The following PPP1R9A variants were observed in gnomAD, a reference collection of about 807,000 sequenced individuals.
The protein encoded by PPP1R9A is neurabin-1.
Under a neutral mutation model 141.9 loss-of-function variants are expected in PPP1R9A, and 59 were observed. The observed-to-expected ratio is 0.42, with a 90% CI of 0.34 to 0.52. The LOEUF (loss-of-function observed/expected upper bound fraction) is 0.52, where lower values mean the gene tolerates loss of function less well. Ranked by LOEUF, PPP1R9A falls within the 20% of genes least tolerant of loss-of-function variation. The probability of loss-of-function intolerance (pLI) is 0.10; values close to 1 mark genes in which losing one functional copy is unlikely to be tolerated. For synonymous variants in PPP1R9A, 500 were observed against 569.7 expected, an observed-to-expected ratio of 0.88 and a Z score of 1.74; for missense variants, 1,444 against 1,611.9, an observed-to-expected ratio of 0.90 and a Z score of 1.78.
At chr7:95,214,895 C>T (rs1422162543) in intron 7 of PPP1R9A, among the ~76,000 whole-genome samples, 1 of 151,990 alleles carries the variant, frequency 6.6e-6, no homozygotes, top group African/African-American at 2.4e-5. Context: ...TATGAGTAAT[C>T]TAGAGAAGGA....
intron 4 of PPP1R9A, among the ~76,000 whole-genome samples, chr7:95,125,274 C>T (rs1358346196): frequency 3.3e-5 from 5 of 152,212 alleles, no homozygotes; most frequent in Non-Finnish European, 5.9e-5. Context: ...TGCCACAGTG[C>T]GGGGCTTTTA....
At chr7:94,927,694 A>G (rs527504052) in intron 2 of PPP1R9A, among the ~76,000 whole-genome samples, 5 of 152,314 alleles carry the variant, frequency 3.3e-5, no homozygotes, top group African/African-American at 1.2e-4. Context: ...CCTTGAGACT[A>G]TAGACTTTGA....
rs1801767454 is a variant in PPP1R9A, at chr7:95,269,192, C to T, written c.2824-15C>T. 6.6e-7 allele frequency: 1 copy of T among 1,508,210 alleles called. No individual in the cohort carries two copies. Among genetic ancestry groups the T allele is most frequent in the East Asian group, 2.3e-5 (1 of 44,328 alleles). The allele number at this position is 1,508,210 out of a possible 1,614,324, so 93.4% of individuals were successfully genotyped here. On this transcript the variant is annotated splice_polypyrimidine_tract_variant and intron_variant, in intron 13 of 19. Coordinates refer to ENST00000433360, the MANE Select transcript of PPP1R9A (RefSeq NM_001166160.2). ...TCAGTGGCATAACCTTCCTTATAAT[C>T]TCTTATACCAACAGCCATCAAACAG... is the stretch of plus-strand genomic sequence containing the variant.
At chr7:95,260,855 A>T (rs865870453) in intron 12 of PPP1R9A, among the ~76,000 whole-genome samples, 1 of 152,160 alleles carries the variant, frequency 6.6e-6, no homozygotes, top group Non-Finnish European at 1.5e-5. Flanking sequence ...AGTAAAGATC[A>T]TTTTAACCCA....
chr7:94,916,415 C>T (rs1374715892), intron 2 of PPP1R9A, among the ~76,000 whole-genome samples: 1 of 152,200 alleles, frequency 6.6e-6, no homozygotes, highest in African/African-American at 2.4e-5. Flanking sequence ...CTTCTGGCTT[C>T]TGAAAGTGGC....
chr7:95,285,883 A>T (rs1208561984), intron 17 of PPP1R9A, among the ~76,000 whole-genome samples: 4 of 152,184 alleles, frequency 2.6e-5, no homozygotes, highest in Admixed American at 2.6e-4. Context: ...ACTCATCACG[A>T]TTAGGGTCAA....
chr7:94,955,864 G>C (rs1797020291), intron 2 of PPP1R9A, among the ~76,000 whole-genome samples: 1 of 152,096 alleles, frequency 6.6e-6, no homozygotes, highest in African/African-American at 2.4e-5. Flanking sequence ...TAGGTCTTCT[G>C]TGCCCCTGTT....
intron 2 of PPP1R9A, among the ~76,000 whole-genome samples, chr7:94,913,898 A>G (rs1791749769): frequency 2.0e-5 from 3 of 152,198 alleles, no homozygotes. Flanking sequence ...TTTAAAATCC[A>G]TAAAAAACAG....
intron 16 of PPP1R9A, among the ~76,000 whole-genome samples, chr7:95,275,403 CAAAAAAAAAA>C (rs10708689): frequency 1.0e-5 from 1 of 96,924 alleles, no homozygotes; most frequent in South Asian, 3.6e-4. Context: ...GACTCCGTCT[CAAAAAAAAAA>C]AAAAAAAAAG....
intron 2 of PPP1R9A, among the ~76,000 whole-genome samples, chr7:95,055,229 A>G (rs1311427523): frequency 6.6e-6 from 1 of 152,034 alleles, no homozygotes; most frequent in Non-Finnish European, 1.5e-5. Flanking sequence ...GTATTATTAT[A>G]TATTTTCCAT....
chr7:95,167,260 C>A lies in PPP1R9A; in HGVS notation c.1754+5289C>A, dbSNP rs559269034. ...ATCTCGTGAGACCCATTCACTATCA[C>A]AAGAACAGCACAGGAAAGACCTGTC... is the stretch of plus-strand genomic sequence containing the variant. On this transcript the variant is annotated intron_variant, in intron 5 of 19. Transcript: ENST00000433360. 7.9e-5 allele frequency among the ~76,000 whole-genome samples: 12 copies of A among 152,212 alleles called. No individual in the cohort carries two copies. In the South Asian group the frequency reaches 2.5e-3, roughly 32 times the overall value.
intron 2 of PPP1R9A, among the ~76,000 whole-genome samples, chr7:94,974,769 A>C (rs1238057713): frequency 6.6e-6 from 1 of 152,206 alleles, no homozygotes; most frequent in African/African-American, 2.4e-5. Context: ...AAAGTCAGCT[A>C]TTTGAGTTGT....
chr7:94,972,162 T>C (rs187636953), intron 2 of PPP1R9A, among the ~76,000 whole-genome samples: 149 of 152,342 alleles, frequency 9.8e-4, no homozygotes, highest in Non-Finnish European at 5.9e-5. Context: ...GTTGTCTGTT[T>C]TTTCATACAA....
chr7:95,271,499 C>A lies in PPP1R9A; in HGVS notation c.3124+1992C>A, dbSNP rs960754417. ...TTGTCATTAACAGAAAATAGGAAAT[C>A]AGCAACATGATGGGGGAAATAGGAT... On this transcript the variant is annotated intron_variant, in intron 14 of 19. Coordinates refer to ENST00000433360, the MANE Select transcript of PPP1R9A (RefSeq NM_001166160.2). Among the ~76,000 whole-genome samples the A allele has an allele frequency of 3.3e-5, 5 of 152,158 alleles. 1 individual carries two copies. Among genetic ancestry groups the A allele is most frequent in the Non-Finnish European group, 5.9e-5 (4 of 68,018 alleles).
In PPP1R9A at chr7:95,019,656, T is replaced by G. The variant is rs561668378; in HGVS notation, c.1396-91603T>G. Reference sequence around the variant, plus strand: ...AATCGATAAACCATAAAAAGATGATTAGCATAGGTTGTTATCAGAGAAGTG... The same window carrying G: ...AATCGATAAACCATAAAAAGATGATGAGCATAGGTTGTTATCAGAGAAGTG... On this transcript the variant is annotated intron_variant, in intron 2 of 19. Coordinates refer to ENST00000433360, the MANE Select transcript of PPP1R9A (RefSeq NM_001166160.2). 3.9e-5 allele frequency among the ~76,000 whole-genome samples: 6 copies of G among 152,282 alleles called. No homozygotes were observed. In the East Asian group the frequency reaches 1.2e-3, roughly 29 times the overall value.
chr7:94,910,100 C>T lies in PPP1R9A; in HGVS notation c.-14C>T, dbSNP rs1157286797. 1 of 1,589,768 alleles carries T rather than the reference C, an allele frequency of 6.3e-7. No individual in the cohort carries two copies. Among genetic ancestry groups the T allele is most frequent in the African/African-American group, 1.4e-5 (1 of 73,530 alleles). On this transcript the variant is annotated 5_prime_UTR_variant, in exon 2 of 20. Coordinates refer to ENST00000433360, the MANE Select transcript of PPP1R9A (RefSeq NM_001166160.2). This position sits in a 1 kb window ranked among gnomAD's most constrained non-coding sequence, Gnocchi z 4.5. The stretch of plus-strand genomic sequence containing the variant: ...GATCATTATGAACATTGGCTTTTCA[C>T]CCCTGAAGTGAAAATGTTGAAAACT...
chr7:95,140,818 A>G lies in PPP1R9A; in HGVS notation c.1649+19986A>G, dbSNP rs986726448. Reference sequence around the variant, plus strand: ...ATCCTCTGCCTCCAAAGCTCAAGCAATCCTCCCACCTCAGCCTCCAGAGTA... The same window carrying G: ...ATCCTCTGCCTCCAAAGCTCAAGCAGTCCTCCCACCTCAGCCTCCAGAGTA... On this transcript the variant is annotated intron_variant, in intron 4 of 19. Transcript: ENST00000433360. Among the ~76,000 whole-genome samples, 7 of 152,262 alleles carry G rather than the reference A, an allele frequency of 4.6e-5. No homozygotes were observed. In the South Asian group the frequency reaches 8.3e-4, roughly 18 times the overall value.
chr7:94,989,145 A>T (rs967921971), intron 2 of PPP1R9A, among the ~76,000 whole-genome samples: 1 of 152,044 alleles, frequency 6.6e-6, no homozygotes, highest in Non-Finnish European at 1.5e-5. Context: ...TTTCCAGGTG[A>T]TGTTAATGAG....
Position 94,910,237 on chromosome 7 carries a change from G to A in PPP1R9A, c.124G>A (p.Glu42Lys). ...CTTTGACAAACCCAAGTCAGATGGG[G>A]AACAAAAAACAAAAGAAGGTGAGGG... ...STFDKPKSDGEQKTKEGEGSQ... is the reference protein window; with the variant it reads ...STFDKPKSDGKQKTKEGEGSQ... Residue 42 changes from glutamate to lysine, a missense_variant, in exon 2 of 20, where the codon GAA becomes AAA. Physicochemically the swap from Glu to Lys is moderately conservative, Grantham distance 56. Transcript: ENST00000433360. The surrounding 1 kb of genome is among the most constrained non-coding windows in gnomAD (Gnocchi z 4.5). The A allele has an allele frequency of 1.2e-6, 2 of 1,613,980 alleles. No homozygotes were observed. The highest frequency in any genetic ancestry group is 8.5e-7 in the Non-Finnish European group (1 of 1,179,974).
Sources: allele counts gnomAD v4.1 joint callset (sites outside exome capture counted in the v4.1 genomes callset), GRCh38; gene constraint gnomAD v4.1.1; non-coding constraint Gnocchi (gnomAD v3.1); transcripts MANE v1.5; gene names NCBI Gene and HGNC (gene_info 2026-07-23, HGNC 2026-07-21).